Variants in SLCO3A1 observed in about 807,000 individuals in gnomAD.
The protein encoded by SLCO3A1 is PGE1 transporter.
In SLCO3A1, 27 loss-of-function variants were observed where a neutral mutation model predicts 63.1. That is an observed-to-expected ratio of 0.43 (90% CI 0.32 to 0.59). The LOEUF is 0.59. Among genes scored for constraint, SLCO3A1 ranks in the 20% least tolerant of loss-of-function variants. The pLI, the probability that SLCO3A1 is intolerant of heterozygous loss-of-function variation, is 0.09. For synonymous variants in SLCO3A1, 473 were observed against 409.9 expected, an observed-to-expected ratio of 1.15 and a Z score of -1.86; for missense variants, 773 against 945.8, an observed-to-expected ratio of 0.82 and a Z score of 2.40.
At chr15:91,998,838 G>A (rs1009070217) in intron 2 of SLCO3A1, among the ~76,000 whole-genome samples, 22 of 152,214 alleles carry the variant, frequency 1.4e-4, no homozygotes, top group African/African-American at 2.4e-4. Flanking sequence ...ACACATGTAC[G>A]TGTATATTCA....
chr15:92,072,329 G>T (rs978588890), intron 2 of SLCO3A1, among the ~76,000 whole-genome samples: 4 of 150,750 alleles, frequency 2.7e-5, no homozygotes, highest in African/African-American at 7.3e-5. Flanking sequence ...TTTTTTGGTG[G>T]TTGTTGTTGT....
intron 1 of SLCO3A1, among the ~76,000 whole-genome samples, chr15:91,895,673 A>C (rs1291548535): frequency 1.3e-5 from 2 of 152,212 alleles, no homozygotes; most frequent in Non-Finnish European, 2.9e-5. Flanking sequence ...TTCATATGAT[A>C]TGAGATATTG....
At chr15:92,095,616 G>A (rs970551372) in intron 3 of SLCO3A1, among the ~76,000 whole-genome samples, 7 of 152,216 alleles carry the variant, frequency 4.6e-5, no homozygotes, top group Admixed American at 2.0e-4. Flanking sequence ...ATGCTAGATC[G>A]ATGGGCTAGA....
At chr15:91,922,173 TAGGC>T (rs1162280000) in intron 2 of SLCO3A1, among the ~76,000 whole-genome samples, 5 of 146,904 alleles carry the variant, frequency 3.4e-5, no homozygotes, top group African/African-American at 5.0e-5. Context: ...TTGTGTGTGT[TAGGC>T]AGACACACGC....
chr15:92,160,594 C>T (rs1020044358), intron 9 of SLCO3A1, among the ~76,000 whole-genome samples: 2 of 152,134 alleles, frequency 1.3e-5, no homozygotes, highest in Non-Finnish European at 2.9e-5. Flanking sequence ...TTAAATCGAG[C>T]TGCTTGGGAA....
intron 2 of SLCO3A1, among the ~76,000 whole-genome samples, chr15:91,960,680 T>C (rs897714603): frequency 6.6e-6 from 1 of 152,366 alleles, no homozygotes. Flanking sequence ...GGTTATTCAC[T>C]TGATTTTGCC....
intron 9 of SLCO3A1, chr15:92,161,990 T>C (rs1362432264): frequency 6.6e-6 from 1 of 152,190 alleles, no homozygotes; most frequent in African/African-American, 2.4e-5. Flanking sequence ...ACTACGCTGC[T>C]TTCACTGACA....
Position 92,162,931 on chromosome 15 carries a change from C to A in SLCO3A1, c.1929C>A (p.Thr643=). ...CCTTCGCCTTCATCCTGTACACCAC[C>A]ACGTGGCAGTGCCTGAGGAAAAACT... ...LKSFAFILYT[T]TWQCLRKNYK... Residue 643 remains threonine, a synonymous_variant, in exon 10 of 10, where the codon ACC becomes ACA. Transcript: ENST00000318445. The A allele has an allele frequency of 6.2e-7, 1 of 1,614,178 alleles. No homozygotes were observed. The highest frequency in any genetic ancestry group is 8.5e-7 in the Non-Finnish European group (1 of 1,180,036).
intron 2 of SLCO3A1, among the ~76,000 whole-genome samples, chr15:92,048,209 G>A (rs1037082834): frequency 2.6e-5 from 4 of 152,008 alleles, no homozygotes; most frequent in African/African-American, 9.7e-5. Context: ...ACTATTGCCT[G>A]GACTTATTCT....
chr15:91,934,860 A>G (rs1024361421), intron 2 of SLCO3A1, among the ~76,000 whole-genome samples: 1 of 152,156 alleles, frequency 6.6e-6, no homozygotes. Context: ...TGCCCTTCCT[A>G]ACTAAGGCCC....
At chr15:91,992,139 T>C (rs886950385) in intron 2 of SLCO3A1, among the ~76,000 whole-genome samples, 2 of 152,190 alleles carry the variant, frequency 1.3e-5, no homozygotes, top group African/African-American at 4.8e-5. Context: ...CCATTTTGGA[T>C]TTATCATGCT....
Position 91,941,821 on chromosome 15 carries a change from G to C in SLCO3A1, c.646+25363G>C, listed in dbSNP as rs973627539. Among the ~76,000 whole-genome samples, 15 of 152,170 alleles carry C rather than the reference G, an allele frequency of 9.9e-5. No homozygotes were observed. Among genetic ancestry groups the C allele is most frequent in the Non-Finnish European group, 1.6e-4 (11 of 68,038 alleles). On this transcript the variant is annotated intron_variant, in intron 2 of 9. Transcript: ENST00000318445. The surrounding 1 kb of genome is among the most constrained non-coding windows in gnomAD (Gnocchi z 4.4). ...TCTCCTCTGCCCAATGCAGTGCTTT[G>C]CATACTGTAGGAGCTGCATAAATGC...
chr15:91,891,220 G>A (rs1241724018), intron 1 of SLCO3A1, among the ~76,000 whole-genome samples: 3 of 151,854 alleles, frequency 2.0e-5, no homozygotes, highest in Non-Finnish European at 2.9e-5. Context: ...ATTCAAATCA[G>A]CCACAGGTAC....
At position 91,971,394 on chromosome 15, in the gene SLCO3A1, CAAA is replaced by C. The variant is rs796386299; in HGVS notation, c.646+54950_646+54952del. On this transcript the variant is annotated intron_variant, in intron 2 of 9. Coordinates refer to ENST00000318445, the MANE Select transcript of SLCO3A1 (RefSeq NM_013272.4). ...TGGGTGACAGAGCGAGACTCCATCTCAAAAAAAAAAAAAAAAGCAACCTCTTCC... is the reference window on the plus strand; with the variant it reads ...TGGGTGACAGAGCGAGACTCCATCTCAAAAAAAAAAAAAGCAACCTCTTCC... 4.1e-4 allele frequency among the ~76,000 whole-genome samples: 16 copies of C among 39,388 alleles called. 1 individual carries two copies. In the Admixed American group the frequency reaches 5.4e-3, roughly 13 times the overall value. The allele number at this position is 39,388 out of a possible 152,430, so 25.8% of individuals were successfully genotyped here.
chr15:91,887,121 C>T (rs1897744075), intron 1 of SLCO3A1, among the ~76,000 whole-genome samples: 1 of 152,198 alleles, frequency 6.6e-6, no homozygotes, highest in Non-Finnish European at 1.5e-5. Context: ...GTGTCTAATT[C>T]AGTGCTGGGT....
downstream of SLCO3A1, among the ~76,000 whole-genome samples, chr15:92,168,686 G>T (rs1462775654): frequency 2.0e-5 from 3 of 152,180 alleles, no homozygotes; most frequent in African/African-American, 7.2e-5. Flanking sequence ...CCTGAGCTAG[G>T]TGTCTATCAG....
At chr15:91,944,028 T>C (rs1386673895) in intron 2 of SLCO3A1, among the ~76,000 whole-genome samples, 1 of 152,192 alleles carries the variant, frequency 6.6e-6, no homozygotes, top group Admixed American at 6.5e-5. Context: ...GCGTGCCATT[T>C]GCTACCTGCA....
At chr15:91,868,473 CCATAATT>C (rs1277115854) in intron 1 of SLCO3A1, among the ~76,000 whole-genome samples, 12 of 150,926 alleles carry the variant, frequency 8.0e-5, no homozygotes, top group African/African-American at 2.7e-4. Flanking sequence ...AAAAAAAAAT[CCATAATT>C]CAGAGAACCT....
At chr15:92,160,116 C>T (rs1156525778) in intron 9 of SLCO3A1, among the ~76,000 whole-genome samples, 1 of 151,942 alleles carries the variant, frequency 6.6e-6, no homozygotes, top group Non-Finnish European at 1.5e-5. Flanking sequence ...AGTGAAATGA[C>T]CTCAAGAAAG....
Sources: gnomAD v4.1 joint callset for allele counts (sites outside exome capture counted in the v4.1 genomes callset) on GRCh38, gnomAD v4.1.1 for gene constraint, Gnocchi (gnomAD v3.1) non-coding constraint, MANE v1.5 for transcripts, NCBI Gene and HGNC (gene_info 2026-07-23, HGNC 2026-07-21) for gene names.